Variants in MTHFD2L observed in about 807,000 individuals in gnomAD.
MTHFD2L encodes the protein methylenetetrahydrofolate dehydrogenase (NADP+ dependent) 2 like, also known as bifunctional methylenetetrahydrofolate dehydrogenase/cyclohydrolase 2, mitochondrial.
In MTHFD2L, 29 loss-of-function variants were observed where a neutral mutation model predicts 34.9. The observed-to-expected ratio is 0.83, with a 90% CI of 0.62 to 1.13. MTHFD2L has a LOEUF of 1.13. Among genes scored for constraint, MTHFD2L ranks in the 50% most tolerant of loss-of-function variants. MTHFD2L has a pLI of 0.00. For missense variants in MTHFD2L, 481 were observed against 446.5 expected, an observed-to-expected ratio of 1.08 and a Z score of -0.70; for synonymous variants, 167 against 155.7, an observed-to-expected ratio of 1.07 and a Z score of -0.54.
At chr4:74,288,506 A>G (rs1379523465) in intron 7 of MTHFD2L, 1 of 152,216 alleles carries the variant, frequency 6.6e-6, no homozygotes, top group African/African-American at 2.4e-5. Context: ...CTTGAAGACT[A>G]ATCTCTTACT....
At chr4:74,278,467 T>TA (rs1746976809) in intron 6 of MTHFD2L, among the ~76,000 whole-genome samples, 1 of 152,076 alleles carries the variant, frequency 6.6e-6, no homozygotes. Context: ...ACTGGTATGT[T>TA]AAAAAACAAA....
intron 1 of MTHFD2L, chr4:74,140,479 T>A: frequency 1.4e-6 from 1 of 720,772 alleles, no homozygotes; most frequent in South Asian, 6.3e-5. Context: ...TTTTTTAGTA[T>A]TTAAATTATT....
chr4:74,138,055 T>G (rs538736601), intron 1 of MTHFD2L, among the ~76,000 whole-genome samples: 1 of 149,598 alleles, frequency 6.7e-6, no homozygotes. Context: ...TACATAAATT[T>G]TATATATATA....
At chr4:74,287,450 C>G (rs115281562) in intron 7 of MTHFD2L, among the ~76,000 whole-genome samples, 43 of 152,120 alleles carry the variant, frequency 2.8e-4, no homozygotes, top group African/African-American at 9.9e-4. Context: ...TGCAATGACT[C>G]AAGATAATTT....
chr4:74,138,120 G>A (rs555257195), intron 1 of MTHFD2L, among the ~76,000 whole-genome samples: 3 of 150,832 alleles, frequency 2.0e-5, no homozygotes, highest in African/African-American at 7.3e-5. Context: ...AGTAAATTCG[G>A]CCTTACCTTT....
chr4:74,264,759 G>C (rs1560542590), intron 6 of MTHFD2L, among the ~76,000 whole-genome samples: 1 of 151,796 alleles, frequency 6.6e-6, no homozygotes, highest in East Asian at 1.9e-4. Context: ...AGTTTCAGCA[G>C]CGTTAATATT....
intron 3 of MTHFD2L, among the ~76,000 whole-genome samples, chr4:74,199,403 A>G (rs1231663743): frequency 6.6e-6 from 1 of 152,216 alleles, no homozygotes; most frequent in Non-Finnish European, 1.5e-5. Flanking sequence ...GAAGTATTTA[A>G]TAGAAGCCTA....
At chr4:74,136,707 C>T (rs1323443758) in intron 1 of MTHFD2L, among the ~76,000 whole-genome samples, 1 of 152,114 alleles carries the variant, frequency 6.6e-6, no homozygotes, top group African/African-American at 2.4e-5. Flanking sequence ...ATACATCACA[C>T]TACCTGACTT....
At chr4:74,159,275 T>C (rs528340799) in intron 1 of MTHFD2L, among the ~76,000 whole-genome samples, 2 of 152,342 alleles carry the variant, frequency 1.3e-5, no homozygotes, top group East Asian at 3.9e-4. Context: ...CACAAGGATA[T>C]GTGAGAAAAT....
upstream of MTHFD2L, among the ~76,000 whole-genome samples, chr4:74,119,923 C>T (rs566008907): frequency 6.6e-6 from 1 of 152,256 alleles, no homozygotes; most frequent in Non-Finnish European, 1.5e-5. Flanking sequence ...ACCTTCAGAA[C>T]TGCTTCACTG....
At chr4:74,271,125 T>C (rs540616276) in intron 6 of MTHFD2L, among the ~76,000 whole-genome samples, 2 of 152,342 alleles carry the variant, frequency 1.3e-5, no homozygotes, top group Non-Finnish European at 2.9e-5. Flanking sequence ...GTAGGTTGCC[T>C]GTTCACTCTA....
Position 74,225,346 on chromosome 4 carries a change from C to G in MTHFD2L, c.757C>G (p.Gln253Glu). ...AGCTCACAGATACACCCCCAAAGAG[C>G]AACTGAAGATTCATACGCAGCTGGC... ...TIAHRYTPKE[Q>E]LKIHTQLADI... The change falls in exon 6 of 8, where the codon CAA (glutamine) becomes GAA (glutamate). Residue 253 changes from glutamine (Q) to glutamate (E), a missense_variant. Physicochemically the swap from Gln to Glu is conservative, Grantham distance 29. Transcript: ENST00000325278. 1.2e-6 allele frequency: 2 copies of G among 1,613,192 alleles called. No homozygotes were observed. The highest frequency in any genetic ancestry group is 1.7e-6 in the Non-Finnish European group (2 of 1,179,382).
chr4:74,217,748 T>A (rs1737436440), intron 5 of MTHFD2L, among the ~76,000 whole-genome samples: 1 of 151,872 alleles, frequency 6.6e-6, no homozygotes, highest in Non-Finnish European at 1.5e-5. Flanking sequence ...AGAATCATGG[T>A]AGAAGCAGCA....
At chr4:74,207,213 G>T (rs1254514180) in intron 5 of MTHFD2L, among the ~76,000 whole-genome samples, 1 of 152,132 alleles carries the variant, frequency 6.6e-6, no homozygotes, top group Non-Finnish European at 1.5e-5. Flanking sequence ...TATTCTTAGA[G>T]TAAGTTTCTC....
In MTHFD2L at chr4:74,225,417, T is replaced by A. The variant is rs767795426; in HGVS notation, c.805+23T>A. ...CAGGTAAGTCCTTAGTGACTGTTAT[T>A]TTTTGGAATGTCATCAGCAGAATAA... is the stretch of plus-strand genomic sequence containing the variant. On this transcript the variant is annotated intron_variant, in intron 6 of 7. Transcript: ENST00000325278. The A allele has an allele frequency of 3.8e-6, 6 of 1,582,282 alleles. No homozygotes were observed. In the South Asian group the frequency reaches 6.7e-5, roughly 18 times the overall value.
chr4:74,128,821 A>G (rs1018641048), intron 1 of MTHFD2L, among the ~76,000 whole-genome samples: 2 of 152,064 alleles, frequency 1.3e-5, no homozygotes, highest in African/African-American at 2.4e-5. Flanking sequence ...TGAAGGCAGC[A>G]TGTACTTGGG....
At chr4:74,278,030 C>CA (rs200289986) in intron 6 of MTHFD2L, among the ~76,000 whole-genome samples, 18 of 149,766 alleles carry the variant, frequency 1.2e-4, no homozygotes, top group East Asian at 9.8e-4. Context: ...ATTCTTGCTA[C>CA]AAAAAAAAAT....
At chr4:74,270,816 A>T (rs1388429220) in intron 6 of MTHFD2L, among the ~76,000 whole-genome samples, 1 of 152,134 alleles carries the variant, frequency 6.6e-6, no homozygotes, top group East Asian at 1.9e-4. Flanking sequence ...ATTTCTCCAC[A>T]TCCTCTCCAG....
upstream of MTHFD2L, among the ~76,000 whole-genome samples, chr4:74,155,351 G>A (rs1035663201): frequency 1.3e-5 from 2 of 151,852 alleles, no homozygotes; most frequent in Admixed American, 6.6e-5. Flanking sequence ...TTGTTATGTC[G>A]GTTCTTAGCA....
Sources: gnomAD v4.1 joint callset for allele counts (sites outside exome capture counted in the v4.1 genomes callset) on GRCh38, gnomAD v4.1.1 for gene constraint, MANE v1.5 for transcripts, NCBI Gene and HGNC (gene_info 2026-07-23, HGNC 2026-07-21) for gene names.